EBF1: variants seen among roughly 807,000 people sequenced by gnomAD.
The protein encoded by EBF1 is EBF transcription factor 1.
Under a neutral mutation model 68.4 loss-of-function variants are expected in EBF1, and 10 were observed. That is an observed-to-expected ratio of 0.15 (90% CI 0.09 to 0.25). EBF1 has a LOEUF of 0.25. Ranked by LOEUF, EBF1 falls within the 10% of genes least tolerant of loss-of-function variation. The pLI, the probability that EBF1 is intolerant of heterozygous loss-of-function variation, is 1.00. For missense variants in EBF1, 509 were observed against 794.4 expected (o/e 0.64, Z 4.32); for synonymous variants, 298 against 299.8 (o/e 0.99, Z 0.06).
rs1183285337 is a variant in EBF1 at position 158,774,316 on chromosome 5, T to A, written c.1036+3097A>T. ...TCCCTCCCCAAAAGGTCTGCCTTTA[T>A]TAGTATAGATTAGGCCATGCTGTTC... On this transcript the variant is annotated intron_variant, in intron 10 of 15. Coordinates refer to ENST00000313708, the MANE Select transcript of EBF1 (RefSeq NM_024007.5). Among the ~76,000 whole-genome samples the A allele has an allele frequency of 2.0e-5, 3 of 152,130 alleles. No individual in the cohort carries two copies. The East Asian group carries it at 5.8e-4, about 29-fold the overall frequency.
intron 7 of EBF1, among the ~76,000 whole-genome samples, chr5:158,838,185 C>T (rs1789269754): frequency 6.6e-6 from 1 of 152,004 alleles, no homozygotes; most frequent in Admixed American, 6.6e-5. Context: ...GTGGCTCACG[C>T]CTGTAATTCC....
At chr5:158,777,634 A>T in intron 9 of EBF1, 95 bp from the exon 10 acceptor site, 1 of 1,282,164 alleles carries the variant, frequency 7.8e-7, no homozygotes, top group Non-Finnish European at 1.1e-6. Flanking sequence ...TTTAAAACAC[A>T]TAATTAACCT....
At chr5:158,943,217 G>A in intron 6 of EBF1, among the ~76,000 whole-genome samples, 1 of 152,032 alleles carries the variant, frequency 6.6e-6, no homozygotes, top group Non-Finnish European at 1.5e-5. Context: ...ATGACACATA[G>A]GCTAGTCATC....
intron 6 of EBF1, among the ~76,000 whole-genome samples, chr5:158,907,370 T>C (rs1804883140): frequency 6.6e-6 from 1 of 152,164 alleles, no homozygotes. Flanking sequence ...CCTACATTTA[T>C]GGATGAGGTG....
At chr5:159,094,761 G>A (rs191084501) in intron 4 of EBF1, among the ~76,000 whole-genome samples, 265 of 152,236 alleles carry the variant, frequency 1.7e-3, no homozygotes, top group African/African-American at 5.9e-3. Flanking sequence ...CAATAAAGCT[G>A]TCTTCTTTTT....
At chr5:158,878,656 T>TC (rs1798247791) in intron 6 of EBF1, among the ~76,000 whole-genome samples, 2 of 151,226 alleles carry the variant, frequency 1.3e-5, no homozygotes, top group Non-Finnish European at 3.0e-5. Context: ...TTTTTTTTTT[T>TC]TTCCTGAGAC....
At chr5:158,799,648 C>G (rs1285706447) in intron 8 of EBF1, among the ~76,000 whole-genome samples, 1 of 152,124 alleles carries the variant, frequency 6.6e-6, no homozygotes, top group African/African-American at 2.4e-5. Flanking sequence ...AGCTCAGGAT[C>G]TCAGAACAAG....
chr5:158,969,880 G>T (rs1286934495), intron 6 of EBF1, among the ~76,000 whole-genome samples: 2 of 82,878 alleles, frequency 2.4e-5, no homozygotes, highest in African/African-American at 8.9e-5. Flanking sequence ...AAGAAAGAAA[G>T]AAAGAAAGAA....
intron 15 of EBF1, chr5:158,707,666 A>T: frequency 2.9e-6 from 1 of 349,302 alleles, no homozygotes; most frequent in Non-Finnish European, 5.3e-6. Flanking sequence ...GGAGTGAAAG[A>T]GGAGAAAAGA....
At chr5:158,873,221 G>A (rs895213161) in intron 6 of EBF1, among the ~76,000 whole-genome samples, 3 of 151,978 alleles carry the variant, frequency 2.0e-5, no homozygotes, top group African/African-American at 7.3e-5. Flanking sequence ...CCTAGTTAGT[G>A]GGGATTTTAC....
In EBF1 at chr5:158,710,055, T is replaced by C. The variant is rs530131610; in HGVS notation, c.1550-1882A>G. On this transcript the variant is annotated intron_variant, in intron 14 of 15. Transcript: ENST00000313708. ...AGAAAGTGTGTTCACCAGTGGAATG[T>C]CTTATTTTTTTATTCCATTGGAATT... is the stretch of plus-strand genomic sequence containing the variant. 2.0e-5 allele frequency among the ~76,000 whole-genome samples: 3 copies of C among 152,332 alleles called. No individual in the cohort carries two copies. In the East Asian group the frequency reaches 5.8e-4, roughly 29 times the overall value.
At chr5:158,875,362 C>A (rs1409418842) in intron 6 of EBF1, among the ~76,000 whole-genome samples, 2 of 152,116 alleles carry the variant, frequency 1.3e-5, no homozygotes, top group Admixed American at 6.6e-5. Flanking sequence ...ACAAAAAGTA[C>A]CAAGTTCCAA....
chr5:158,799,515 C>G (rs1161575672), intron 8 of EBF1, among the ~76,000 whole-genome samples: 1 of 152,088 alleles, frequency 6.6e-6, no homozygotes, highest in African/African-American at 2.4e-5. Context: ...TGAAGAACCC[C>G]AACATGTCAA....
At position 158,696,998 on chromosome 5, in the gene EBF1, AT is replaced by A; in HGVS notation, c.*2112del. 1 of 190,740 alleles carries A rather than the reference AT, an allele frequency of 5.2e-6. No individual in the cohort carries two copies. Among genetic ancestry groups the A allele is most frequent in the Non-Finnish European group, 1.1e-5 (1 of 91,480 alleles). The allele number at this position is 190,740 out of a possible 1,614,324, so 11.8% of individuals were successfully genotyped here. On this transcript the variant is annotated 3_prime_UTR_variant, in exon 16 of 16. Transcript: ENST00000313708. The stretch of plus-strand genomic sequence containing the variant: ...ACAATGTACAAGTGAAATGAATATG[AT>A]TTGCATTGTTAAGGCATCCAATCTG...
chr5:158,963,797 A>C (rs2127541248), intron 6 of EBF1, among the ~76,000 whole-genome samples: 1 of 152,308 alleles, frequency 6.6e-6, no homozygotes, highest in Middle Eastern at 3.4e-3. Flanking sequence ...CACAATTTCT[A>C]GTGTAAATTC....
intron 6 of EBF1, chr5:158,983,073 C>G (rs12153593): frequency 0.55 from 83,253 of 151,952 alleles, 24,350 homozygotes; most frequent in South Asian, 0.78. Flanking sequence ...CTTACTCTTT[C>G]AGCTCTCTAG....
At chr5:158,971,260 C>T (rs1009490726) in intron 6 of EBF1, among the ~76,000 whole-genome samples, 1 of 152,096 alleles carries the variant, frequency 6.6e-6, no homozygotes, top group Non-Finnish European at 1.5e-5. Context: ...ACAGAGCGAG[C>T]GAGCATTGAT....
At chr5:159,024,836 A>G (rs992125543) in intron 6 of EBF1, among the ~76,000 whole-genome samples, 5 of 152,242 alleles carry the variant, frequency 3.3e-5, no homozygotes, top group African/African-American at 9.6e-5. Flanking sequence ...TAGACAAGAA[A>G]CAATAAAAGT....
intron 14 of EBF1, among the ~76,000 whole-genome samples, chr5:158,708,755 G>T (rs901828446): frequency 1.6e-4 from 25 of 152,192 alleles, no homozygotes; most frequent in Non-Finnish European, 2.4e-4. Flanking sequence ...GGGGGAACAG[G>T]AAGAAGCCAG....
Sources: gnomAD v4.1 joint callset for allele counts (sites outside exome capture counted in the v4.1 genomes callset) on GRCh38, gnomAD v4.1.1 for gene constraint, MANE v1.5 for transcripts, NCBI Gene and HGNC (gene_info 2026-07-23, HGNC 2026-07-21) for gene names.